Variants in ICAM2 observed in about 807,000 individuals in gnomAD.
ICAM2 encodes the protein intercellular adhesion molecule 2, also known as ICAM-2.
Under a neutral mutation model 19.1 loss-of-function variants are expected in ICAM2, and 14 were observed. The ratio of observed to expected loss-of-function variants is 0.73; its 90% confidence interval spans 0.48 to 1.15. ICAM2 has a LOEUF of 1.15. ICAM2 is among the 50% of genes most tolerant of loss of function. The probability of loss-of-function intolerance (pLI) is 0.00; values close to 1 mark genes in which losing one functional copy is unlikely to be tolerated. For synonymous variants in ICAM2, 153 were observed against 152.7 expected (o/e 1.00, Z -0.01); for missense variants, 311 against 355.4 (o/e 0.88, Z 1.00).
chr17:64,004,074 A>C (rs571306650), intron 3 of ICAM2, 110 bp from the exon 4 acceptor site: 3 of 849,204 alleles, frequency 3.5e-6, no homozygotes, highest in Non-Finnish European at 5.4e-6. Context: ...GTTGGGGAGG[A>C]GGTGGCCTGG....
At chr17:64,014,711 AAGG>A (rs1911640475) in intron 1 of ICAM2, among the ~76,000 whole-genome samples, 887 of 11,240 alleles carry the variant, frequency 0.079, 5 homozygotes, top group African/African-American at 0.1. Flanking sequence ...GGAAGGAAGG[AAGG>A]AAGGAAGGAA....
At chr17:64,017,864 A>G (rs5013312) in intron 1 of ICAM2, among the ~76,000 whole-genome samples, 139,155 of 152,086 alleles carry the variant, frequency 0.91, 64,969 homozygotes, top group East Asian at 1. Flanking sequence ...TTAACCATAT[A>G]GAGAAAAAAA....
At chr17:64,005,871 A>G (rs953455765) in intron 2 of ICAM2, 27 of 162,768 alleles carry the variant, frequency 1.7e-4, no homozygotes, top group Non-Finnish European at 8.1e-5. Flanking sequence ...TAGACCAAAC[A>G]CTGCCCTGGC....
At chr17:64,004,001 G>A (rs771833007) in intron 3 of ICAM2, 37 bp from the exon 4 acceptor site, 3 of 1,497,986 alleles carry the variant, frequency 2.0e-6, no homozygotes, top group Non-Finnish European at 2.7e-6. Flanking sequence ...GGTCAGGATG[G>A]GGGTGCAGTC....
chr17:64,010,492 A>G (rs917249235), intron 1 of ICAM2, among the ~76,000 whole-genome samples: 1 of 151,342 alleles, frequency 6.6e-6, no homozygotes, highest in Non-Finnish European at 1.5e-5. Flanking sequence ...TGGAAGGATT[A>G]TGCTCTGACA....
At position 64,003,869 on chromosome 17, in the gene ICAM2, G is replaced by C; in HGVS notation, c.424C>G (p.Leu142Val). 6.2e-7 allele frequency: 1 copy of C among 1,614,254 alleles called. No homozygotes were observed. Among genetic ancestry groups the C allele is most frequent in the Non-Finnish European group, 8.5e-7 (1 of 1,180,040 alleles). ...AACAGGAAGAGGGTGAGGCTGTCCA[G>C]GGGCTCCACGGTGGGCACCCTGCAC... Reference protein sequence around the residue: ...IECRVPTVEPLDSLTLFLFRG... With the variant: ...IECRVPTVEPVDSLTLFLFRG... The change falls in exon 4 of 5, where the codon CTG becomes GTG. Residue 142 changes from leucine to valine, a missense_variant. Leu to Val is a conservative substitution (Grantham distance 32, BLOSUM62 1). Coordinates refer to ENST00000579788, the MANE Select transcript of ICAM2 (RefSeq NM_001099789.2).
rs142417764 is a variant in ICAM2 at position 64,019,646 on chromosome 17, G to A, written c.-45+877C>T. Among the ~76,000 whole-genome samples the A allele has an allele frequency of 9.3e-3, 1,413 of 151,732 alleles. 13 individuals are homozygous for A. The highest frequency in any genetic ancestry group is 0.014 in the Non-Finnish European group (943 of 67,908). On this transcript the variant is annotated intron_variant, in intron 1 of 4. Coordinates refer to ENST00000579788, the MANE Select transcript of ICAM2 (RefSeq NM_001099789.2). The stretch of plus-strand genomic sequence containing the variant: ...CTGGCCAACATAGTGAAACCCTGTC[G>A]CTACCAAAAACACAAAAATTAGCTG...
intron 1 of ICAM2, among the ~76,000 whole-genome samples, chr17:64,016,768 C>T (rs1003940167): frequency 4.6e-5 from 7 of 152,202 alleles, no homozygotes; most frequent in Non-Finnish European, 8.8e-5. Flanking sequence ...CCTGGAATCA[C>T]CTCTCAAATA....
intron 2 of ICAM2, among the ~76,000 whole-genome samples, chr17:64,005,605 C>T (rs1440109467): frequency 6.6e-6 from 1 of 152,082 alleles, no homozygotes; most frequent in Non-Finnish European, 1.5e-5. Flanking sequence ...CCCTAGCTGA[C>T]ACCCTGCCTC....
Position 64,012,198 on chromosome 17 carries a change from C to T in ICAM2, c.-44-5463G>A, listed in dbSNP as rs539728411. 2.4e-4 allele frequency among the ~76,000 whole-genome samples: 36 copies of T among 152,236 alleles called. No individual in the cohort carries two copies. In the East Asian group the frequency reaches 4.1e-3, roughly 17 times the overall value. ...CAAATACTGGCCAGGTATGGTGGCT[C>T]ACACTTGTAATCCCAGCACTTTGGG... On this transcript the variant is annotated intron_variant, in intron 1 of 4. Transcript: ENST00000579788.
intron 1 of ICAM2, among the ~76,000 whole-genome samples, chr17:64,009,760 G>A (rs1421942097): frequency 6.6e-6 from 1 of 152,186 alleles, no homozygotes; most frequent in Non-Finnish European, 1.5e-5. Flanking sequence ...TGCAGACTCT[G>A]TCATAGGATT....
Position 64,003,368 on chromosome 17 carries a change from T to C in ICAM2, c.649+276A>G, listed in dbSNP as rs139973744. 286 of 488,812 alleles carry C rather than the reference T, an allele frequency of 5.9e-4. 2 individuals carry two copies. Among genetic ancestry groups the C allele is most frequent in the African/African-American group, 5.0e-3 (259 of 51,704 alleles). The allele number at this position is 488,812 out of a possible 1,614,324, so 30.3% of individuals were successfully genotyped here. A position where few individuals can be genotyped will look rare whatever the true frequency, so the allele number is the denominator to read the frequency against. ...GGGGGCAGTCAGGCCAAACTTCTCA[T>C]TGTGGAGGGGAGCCAAGGCCAGGGA... On this transcript the variant is annotated intron_variant, in intron 4 of 4. Transcript: ENST00000579788.
intron 1 of ICAM2, 38 bp from the exon 2 acceptor site, chr17:64,006,773 C>T: frequency 7.9e-7 from 1 of 1,259,732 alleles, no homozygotes; most frequent in Non-Finnish European, 1.1e-6. Context: ...GAGCTATGGC[C>T]CAGAATCCCT....
At chr17:64,007,935 C>T (rs1911287632) in intron 1 of ICAM2, 1 of 152,274 alleles carries the variant, frequency 6.6e-6, no homozygotes, top group South Asian at 2.1e-4. Context: ...GCCTAAGATC[C>T]CTTTTGCAAC....
chr17:64,014,376 A>AAGGAAGG (rs1911587341), intron 1 of ICAM2, among the ~76,000 whole-genome samples: 2 of 55,340 alleles, frequency 3.6e-5, no homozygotes, highest in African/African-American at 1.2e-4. Flanking sequence ...AGAAAGAAAG[A>AAGGAAGG]AAGGAAGGAA....
At chr17:64,014,658 GAAGA>G (rs1911625533) in intron 1 of ICAM2, among the ~76,000 whole-genome samples, 2 of 133,918 alleles carry the variant, frequency 1.5e-5, no homozygotes, top group Admixed American at 1.5e-4. Context: ...AGAAAGAAAG[GAAGA>G]AAGAGAGAAA....
At chr17:64,011,769 C>T (rs1466200819) in intron 1 of ICAM2, among the ~76,000 whole-genome samples, 2 of 151,894 alleles carry the variant, frequency 1.3e-5, no homozygotes, top group East Asian at 1.9e-4. Context: ...AAAAGAGATA[C>T]GTGTTGATGA....
rs1567849318 is a variant in ICAM2, at chr17:64,014,376, A to AAAGAAAGAAAGAAAGG, written c.-45+6146_-45+6147insCCTTTCTTTCTTTCTT. Among the ~76,000 whole-genome samples, 15 of 55,416 alleles carry AAAGAAAGAAAGAAAGG rather than the reference A, an allele frequency of 2.7e-4. 1 individual carries two copies. The highest frequency in any genetic ancestry group is 9.2e-4 in the African/African-American group (15 of 16,388). 36.4% of individuals were successfully genotyped at this position (55,416 alleles called of 152,430 possible). A position where few individuals can be genotyped will look rare whatever the true frequency, so the allele number is the denominator to read the frequency against. On this transcript the variant is annotated intron_variant, in intron 1 of 4. Coordinates refer to ENST00000579788, the MANE Select transcript of ICAM2 (RefSeq NM_001099789.2). ...GAAAGAAAGAAAGAAAGAAAGAAAG[A>AAAGAAAGAAAGAAAGG]AAGGAAGGAAGGAAGGAAGGAAGGA...
intron 1 of ICAM2, among the ~76,000 whole-genome samples, chr17:64,010,520 CTT>C (rs1911406417): frequency 7.5e-6 from 1 of 133,538 alleles, no homozygotes; most frequent in Admixed American, 8.5e-5. Context: ...AATCCAGTGA[CTT>C]TCCTCTCTTG....
Sources: gnomAD v4.1 joint callset for allele counts (sites outside exome capture counted in the v4.1 genomes callset) on GRCh38, gnomAD v4.1.1 for gene constraint, MANE v1.5 for transcripts, NCBI Gene and HGNC (gene_info 2026-07-23, HGNC 2026-07-21) for gene names.